Variants in DGKH observed in about 807,000 individuals in gnomAD.
DGKH encodes diacylglycerol kinase eta, also known as DAG kinase eta.
DGKH carries 90 observed loss-of-function variants against 159.3 expected under a neutral mutation model. The ratio of observed to expected loss-of-function variants is 0.57; its 90% CI spans 0.48 to 0.67. The LOEUF (loss-of-function observed/expected upper bound fraction) is 0.67. Among genes scored for constraint, DGKH ranks in the 30% least tolerant of loss-of-function variants. The pLI is 0.00. For missense variants in DGKH, 1,181 were observed against 1,506.1 expected (o/e 0.78, Z 3.57); for synonymous variants, 536 against 553.8 (o/e 0.97, Z 0.45).
At chr13:42,095,955 T>C (rs1041041579) in intron 1 of DGKH, among the ~76,000 whole-genome samples, 4 of 152,236 alleles carry the variant, frequency 2.6e-5, no homozygotes, top group African/African-American at 9.6e-5. Context: ...ATATTGTTTC[T>C]ATGTCATTGC....
chr13:42,126,830 C>T (rs956870293), intron 1 of DGKH, among the ~76,000 whole-genome samples: 3 of 152,126 alleles, frequency 2.0e-5, no homozygotes, highest in Non-Finnish European at 2.9e-5. Context: ...CCCTCTGAGG[C>T]GAGTTGATGC....
intron 12 of DGKH, among the ~76,000 whole-genome samples, chr13:42,176,483 C>T (rs528800837): frequency 6.6e-6 from 1 of 152,236 alleles, no homozygotes; most frequent in Admixed American, 6.5e-5. Flanking sequence ...CTCCTGGCCT[C>T]ACTTCCTTTC....
At chr13:42,166,168 A>G (rs918234004) in intron 8 of DGKH, among the ~76,000 whole-genome samples, 3 of 152,078 alleles carry the variant, frequency 2.0e-5, no homozygotes, top group South Asian at 4.1e-4. Context: ...AAACCTGAAG[A>G]TGTAAGTTTA....
chr13:42,208,944 T>A lies in DGKH; in HGVS notation c.2602-15T>A, dbSNP rs1408569144. On this transcript the variant is annotated splice_polypyrimidine_tract_variant and intron_variant, in intron 21 of 29. Coordinates refer to ENST00000337343, the MANE Select transcript of DGKH (RefSeq NM_178009.5). ...CTAAACATTCAGTAGAAGTGTAATG[T>A]AGTTTTTCTTTCAGATATTTGCTGC... 8.2e-6 allele frequency: 13 copies of A among 1,594,796 alleles called. No individual in the cohort carries two copies. Among genetic ancestry groups the A allele is most frequent in the African/African-American group, 1.3e-5 (1 of 74,402 alleles).
At chr13:42,103,256 TG>T (rs1342811063) in intron 1 of DGKH, among the ~76,000 whole-genome samples, 1 of 152,212 alleles carries the variant, frequency 6.6e-6, no homozygotes, top group African/African-American at 2.4e-5. Context: ...CATGTGGTGG[TG>T]CAGGAGCCCT....
chr13:42,166,402 T>C, intron 8 of DGKH, 113 bp from the exon 9 acceptor site: 1 of 976,120 alleles, frequency 1.0e-6, no homozygotes, highest in Non-Finnish European at 1.4e-6. Context: ...GAGAGCTAAA[T>C]TATAACTTAA....
chr13:42,049,622 A>C (rs949164048), intron 1 of DGKH, among the ~76,000 whole-genome samples: 3 of 152,192 alleles, frequency 2.0e-5, no homozygotes, highest in Admixed American at 6.5e-5. Context: ...GCATGGCTCC[A>C]AGGGCTGGCC....
At position 42,087,371 on chromosome 13, in the gene DGKH, A is replaced by G. The variant is rs183499054; in HGVS notation, c.192+38406A>G. 6.2e-4 allele frequency among the ~76,000 whole-genome samples: 95 copies of G among 152,328 alleles called. 1 individual carries two copies. The highest frequency in any genetic ancestry group is 2.0e-3 in the African/African-American group (85 of 41,580). ...ACAAAATCCAGATCCCAACAGTGTA[A>G]CATTAATAATGTTGAATATTCATTA... On this transcript the variant is annotated intron_variant, in intron 1 of 29. Transcript: ENST00000337343.
chr13:42,233,419 C>T lies in DGKH; in HGVS notation c.*4231C>T, dbSNP rs1400417015. The T allele has an allele frequency of 1.7e-4, 26 of 152,240 alleles. No homozygotes were observed. Among genetic ancestry groups the T allele is most frequent in the Admixed American group, 1.7e-3 (26 of 15,278 alleles). The allele number at this position is 152,240 out of a possible 1,614,324, so 9.4% of individuals were successfully genotyped here. A position where few individuals can be genotyped will look rare whatever the true frequency, so the allele number is the denominator to read the frequency against. On this transcript the variant is annotated 3_prime_UTR_variant, in exon 30 of 30. Coordinates refer to ENST00000337343, the MANE Select transcript of DGKH (RefSeq NM_178009.5). ...TTCTCAAACGATTAGCACTGGCCTA[C>T]ATCCATTTTATCCTTCCTTAGCTAT...
chr13:42,202,017 C>G (rs1430744913), intron 20 of DGKH, among the ~76,000 whole-genome samples: 1 of 152,050 alleles, frequency 6.6e-6, no homozygotes, highest in Non-Finnish European at 1.5e-5. Flanking sequence ...CATAAAGATA[C>G]AGATTTTTAC....
intron 1 of DGKH, among the ~76,000 whole-genome samples, chr13:42,084,107 A>G (rs1336234789): frequency 6.6e-6 from 1 of 152,242 alleles, no homozygotes; most frequent in Non-Finnish European, 1.5e-5. Flanking sequence ...TTGATATAAA[A>G]TAACTCCTGG....
rs1301586043 is a variant in DGKH, at chr13:42,237,172, A to G, written c.*7984A>G. On this transcript the variant is annotated 3_prime_UTR_variant, in exon 30 of 30. Coordinates refer to ENST00000337343, the MANE Select transcript of DGKH (RefSeq NM_178009.5). ...CAGAATAAAACACATGTTTTCAAGG[A>G]AGAAGAAAAAACTGTTTTGACTTAA... 6.6e-6 allele frequency: 1 copy of G among 152,206 alleles called. No homozygotes were observed. Among genetic ancestry groups the G allele is most frequent in the African/African-American group, 2.4e-5 (1 of 41,454 alleles). 9.4% of individuals were successfully genotyped at this position (152,206 alleles called of 1,614,324 possible). A position where few individuals can be genotyped will look rare whatever the true frequency, so the allele number is the denominator to read the frequency against.
chr13:42,055,872 G>A (rs1881719951), intron 1 of DGKH, among the ~76,000 whole-genome samples: 1 of 152,170 alleles, frequency 6.6e-6, no homozygotes, highest in Non-Finnish European at 1.5e-5. Context: ...ATTTGTAGCT[G>A]GGCACCGTGG....
intron 3 of DGKH, among the ~76,000 whole-genome samples, chr13:42,145,437 G>T (rs747941342): frequency 2.0e-5 from 3 of 152,148 alleles, no homozygotes; most frequent in Admixed American, 1.3e-4. Context: ...TGGAACTCAG[G>T]GTTGAGGTGG....
chr13:42,255,352 T>G (rs546275973), intron 30 of DGKH, among the ~76,000 whole-genome samples: 1 of 152,252 alleles, frequency 6.6e-6, no homozygotes, highest in African/African-American at 2.4e-5. Flanking sequence ...TCTAGTTATT[T>G]CCTAGAATTT....
At chr13:42,100,221 G>T (rs567888732) in intron 1 of DGKH, among the ~76,000 whole-genome samples, 75 of 152,286 alleles carry the variant, frequency 4.9e-4, no homozygotes, top group Admixed American at 4.8e-3. Flanking sequence ...GCATGCCAGG[G>T]ATCTAGGTTG....
At chr13:42,040,546 C>G (rs530237611) in intron 1 of DGKH, among the ~76,000 whole-genome samples, 2 of 151,300 alleles carry the variant, frequency 1.3e-5, no homozygotes, top group African/African-American at 4.9e-5. Flanking sequence ...GGGAGGGCGC[C>G]GGGGGCGGAG....
intron 13 of DGKH, 83 bp from the exon 14 acceptor site, chr13:42,186,966 G>A (rs371444519): frequency 8.4e-7 from 1 of 1,197,096 alleles, no homozygotes; most frequent in Non-Finnish European, 1.2e-6. Flanking sequence ...TTGCTTAATT[G>A]TGTTTCTTTT....
intron 3 of DGKH, chr13:42,140,607 A>G (rs1393096043): frequency 6.6e-6 from 1 of 152,218 alleles, no homozygotes; most frequent in Non-Finnish European, 1.5e-5. Context: ...CTTCTAAGCT[A>G]TGCAGAGTGC....
Sources: allele counts gnomAD v4.1 joint callset (sites outside exome capture counted in the v4.1 genomes callset), GRCh38; gene constraint gnomAD v4.1.1; transcripts MANE v1.5; gene names NCBI Gene and HGNC (gene_info 2026-07-23, HGNC 2026-07-21).